RGS7: variants seen among roughly 807,000 people sequenced by gnomAD.
RGS7 encodes the protein regulator of G-protein signaling 7.
In RGS7, 27 loss-of-function variants were observed where a neutral mutation model predicts 81.1. That is an observed-to-expected ratio of 0.33 (90% CI 0.25 to 0.46). The LOEUF is 0.46. RGS7 is among the 20% of genes least tolerant of loss of function. The pLI is 1.00. For synonymous variants in RGS7, 208 were observed against 207.7 expected, an observed-to-expected ratio of 1.00 and a Z score of -0.01; for missense variants, 396 against 607.4, an observed-to-expected ratio of 0.65 and a Z score of 3.66.
At chr1:241,129,234 A>T (rs757309500) in intron 2 of RGS7, among the ~76,000 whole-genome samples, 90 of 149,028 alleles carry the variant, frequency 6.0e-4, no homozygotes, top group Admixed American at 8.7e-4. Flanking sequence ...TGTACCACTG[A>T]GGGGATATTG....
chr1:241,145,045 C>A (rs2068213247), intron 2 of RGS7, among the ~76,000 whole-genome samples: 1 of 150,524 alleles, frequency 6.6e-6, no homozygotes, highest in South Asian at 2.1e-4. Flanking sequence ...GAGATGGAGT[C>A]TCGCACTGTC....
chr1:240,906,929 T>A (rs753427808), intron 6 of RGS7, among the ~76,000 whole-genome samples: 3 of 152,216 alleles, frequency 2.0e-5, no homozygotes, highest in Non-Finnish European at 4.4e-5. Flanking sequence ...TACAGCTGCT[T>A]AAGAATAAGT....
chr1:241,051,509 ACTT>A (rs1481073065), intron 3 of RGS7, among the ~76,000 whole-genome samples: 1 of 152,044 alleles, frequency 6.6e-6, no homozygotes, highest in African/African-American at 2.4e-5. Flanking sequence ...TTTTGCCTTG[ACTT>A]CTTTATTTGG....
intron 2 of RGS7, among the ~76,000 whole-genome samples, chr1:241,202,555 G>A (rs958575361): frequency 2.6e-5 from 4 of 152,156 alleles, no homozygotes; most frequent in South Asian, 2.1e-4. Flanking sequence ...GTTGAAACAC[G>A]ATTGGGCAAA....
intron 2 of RGS7, among the ~76,000 whole-genome samples, chr1:241,186,656 T>C (rs1358828912): frequency 2.0e-5 from 3 of 151,714 alleles, no homozygotes; most frequent in Non-Finnish European, 4.4e-5. Context: ...CCCAAGTAGC[T>C]GGGATTACAG....
chr1:241,277,552 G>A (rs1309438920), intron 2 of RGS7, among the ~76,000 whole-genome samples: 2 of 151,416 alleles, frequency 1.3e-5, no homozygotes, highest in Non-Finnish European at 2.9e-5. Context: ...CCAGGAGGTG[G>A]AGCTTGCAGT....
intron 3 of RGS7, among the ~76,000 whole-genome samples, chr1:241,048,349 G>GA (rs970790590): frequency 2.0e-5 from 3 of 151,986 alleles, no homozygotes; most frequent in African/African-American, 4.8e-5. Flanking sequence ...GTAAGAGTTG[G>GA]AAAAAATAAA....
At chr1:241,312,721 T>C (rs570054971) in intron 2 of RGS7, among the ~76,000 whole-genome samples, 2 of 152,066 alleles carry the variant, frequency 1.3e-5, no homozygotes, top group Non-Finnish European at 2.9e-5. Flanking sequence ...TTTAGGCCAA[T>C]TAATAATGCT....
At chr1:240,782,746 A>C (rs1684346395) in intron 18 of RGS7, among the ~76,000 whole-genome samples, 1 of 152,308 alleles carries the variant, frequency 6.6e-6, no homozygotes, top group African/African-American at 2.4e-5. Context: ...TTTATAGCTA[A>C]GTTTTAAAGT....
intron 9 of RGS7, among the ~76,000 whole-genome samples, chr1:240,831,061 T>C (rs1693747840): frequency 1.3e-5 from 2 of 152,230 alleles, no homozygotes; most frequent in Admixed American, 6.5e-5. Flanking sequence ...CATTAGAGAC[T>C]GAACGGTAAG....
intron 2 of RGS7, among the ~76,000 whole-genome samples, chr1:241,114,624 T>C (rs1338337534): frequency 6.6e-6 from 1 of 152,182 alleles, no homozygotes; most frequent in African/African-American, 2.4e-5. Flanking sequence ...CTAATAGATG[T>C]TGAGGTCGAA....
At chr1:241,083,761 T>A (rs2063284664) in intron 3 of RGS7, among the ~76,000 whole-genome samples, 1 of 152,222 alleles carries the variant, frequency 6.6e-6, no homozygotes, top group Admixed American at 6.5e-5. Flanking sequence ...CTCTGGGATG[T>A]TATAAAAGAA....
At chr1:241,299,910 G>T (rs2079634649) in intron 2 of RGS7, among the ~76,000 whole-genome samples, 1 of 106,144 alleles carries the variant, frequency 9.4e-6, no homozygotes, top group African/African-American at 3.6e-5. Flanking sequence ...AGGAGCCTAG[G>T]TAACACACAG....
intron 6 of RGS7, among the ~76,000 whole-genome samples, chr1:240,898,777 A>T (rs2148185552): frequency 1.3e-5 from 2 of 152,244 alleles, no homozygotes; most frequent in East Asian, 3.9e-4. Flanking sequence ...GGGGTGGAGA[A>T]TTCCGTAGAT....
At chr1:241,301,545 G>GT (rs2079759813) in intron 2 of RGS7, among the ~76,000 whole-genome samples, 1 of 152,208 alleles carries the variant, frequency 6.6e-6, no homozygotes, top group South Asian at 2.1e-4. Flanking sequence ...GTTAAGTTGT[G>GT]TAAGTGTTTG....
intron 3 of RGS7, among the ~76,000 whole-genome samples, chr1:241,072,936 C>T (rs1032426977): frequency 6.6e-6 from 1 of 152,082 alleles, no homozygotes; most frequent in South Asian, 2.1e-4. Flanking sequence ...TGTGGCCTCC[C>T]TGGGAGGCTG....
intron 2 of RGS7, among the ~76,000 whole-genome samples, chr1:241,103,717 T>TA (rs1194708496): frequency 6.6e-6 from 1 of 151,408 alleles, no homozygotes; most frequent in Non-Finnish European, 1.5e-5. Context: ...TAAAAAAAAA[T>TA]ATGAAAATGA....
intron 2 of RGS7, among the ~76,000 whole-genome samples, chr1:241,178,740 C>T (rs1294194139): frequency 6.6e-6 from 1 of 152,164 alleles, no homozygotes; most frequent in Admixed American, 6.5e-5. Context: ...TTTCCAAAAA[C>T]TACATATCAG....
chr1:240,937,461 G>C (rs1312437492), intron 4 of RGS7, among the ~76,000 whole-genome samples: 1 of 152,118 alleles, frequency 6.6e-6, no homozygotes, highest in Non-Finnish European at 1.5e-5. Flanking sequence ...GATGGTTCTA[G>C]TTCCTGGTAG....
Sources: allele counts gnomAD v4.1 joint callset (sites outside exome capture counted in the v4.1 genomes callset), GRCh38; gene constraint gnomAD v4.1.1; transcripts MANE v1.5; gene names NCBI Gene and HGNC (gene_info 2026-07-23, HGNC 2026-07-21).